Variants in DLG1 observed in about 807,000 individuals in gnomAD.
DLG1 encodes discs large MAGUK scaffold protein 1, also known as disks large homolog 1.
In DLG1, 42 loss-of-function variants were observed where a neutral mutation model predicts 123.4. That is an observed-to-expected ratio of 0.34 (90% CI 0.27 to 0.44). The LOEUF (loss-of-function observed/expected upper bound fraction) is 0.44. DLG1 is among the 20% of genes least tolerant of loss of function. The pLI is 1.00. For synonymous variants in DLG1, 317 were observed against 356.2 expected, an observed-to-expected ratio of 0.89 and a Z score of 1.24; for missense variants, 942 against 1,082.6, an observed-to-expected ratio of 0.87 and a Z score of 1.82.
chr3:197,194,400 CAAT>C (rs1249342863), intron 5 of DLG1, 22 bp downstream of exon 5: 1 of 1,450,846 alleles, frequency 6.9e-7, no homozygotes, highest in African/African-American at 1.5e-5. Context: ...TAATTCATAA[CAAT>C]AATAAATAGA....
intron 3 of DLG1, among the ~76,000 whole-genome samples, chr3:197,283,668 C>T (rs1432630321): frequency 6.6e-6 from 1 of 152,068 alleles, no homozygotes. Flanking sequence ...CCTTATTCAC[C>T]AACTTGTATA....
chr3:197,050,031 A>G (rs1218341068), intron 24 of DLG1, among the ~76,000 whole-genome samples: 1 of 152,126 alleles, frequency 6.6e-6, no homozygotes, highest in African/African-American at 2.4e-5. Flanking sequence ...ACTGTACTCC[A>G]GCCTGGGCAA....
intron 5 of DLG1, among the ~76,000 whole-genome samples, chr3:197,175,738 A>C (rs754383931): frequency 2.6e-5 from 4 of 152,208 alleles, no homozygotes; most frequent in Non-Finnish European, 5.9e-5. Context: ...AGCTCTTGTG[A>C]AACTTACAGT....
At chr3:197,098,431 T>C (rs890796855) in intron 14 of DLG1, among the ~76,000 whole-genome samples, 3 of 152,240 alleles carry the variant, frequency 2.0e-5, no homozygotes, top group African/African-American at 7.2e-5. Context: ...TAGTCTCAGA[T>C]ATTAAAAATT....
rs1208246742 is a variant in DLG1, at chr3:197,119,499, G to A, written c.1197C>T (p.Ser399=). 6.2e-7 allele frequency: 1 copy of A among 1,611,078 alleles called. No individual in the cohort carries two copies. The highest frequency in any genetic ancestry group is 1.1e-5 in the South Asian group (1 of 90,960). The change falls in exon 12 of 25, where the codon AGC becomes AGT. Residue 399 remains serine (S), a synonymous_variant. Coordinates refer to ENST00000667157, the MANE Select transcript of DLG1 (RefSeq NM_001366207.1). ...GTGTCTGGCCCAAGAAGGAAGATGGGCTAACATGGTTATCAACAGGCTGAG... is the reference window on the plus strand; with the variant it reads ...GTGTCTGGCCCAAGAAGGAAGATGGACTAACATGGTTATCAACAGGCTGAG... ...SSSQPVDNHV[S]PSSFLGQTPA... is the part of the protein sequence containing the mutation.
At chr3:197,224,585 T>C (rs1738816159) in intron 4 of DLG1, among the ~76,000 whole-genome samples, 1 of 152,216 alleles carries the variant, frequency 6.6e-6, no homozygotes, top group South Asian at 2.1e-4. Context: ...AATGTTAAAT[T>C]TGTTAAAAAT....
In DLG1 at chr3:197,149,795, G is replaced by C; in HGVS notation, c.485C>G (p.Ala162Gly). The stretch of plus-strand genomic sequence containing the variant: ...GTTGACCAGTACTGGGGGAGGATTT[G>C]CCTTTAAGAAGAAATTGTAAATGTG... ...VSHSHISPIK[A>G]NPPPVLVNTD... Residue 162 changes from alanine (A) to glycine (G), a missense_variant and splice_region_variant, in exon 6 of 25, where the codon GCA (alanine) becomes GGA (glycine). Ala to Gly is a moderately conservative substitution (Grantham distance 60, BLOSUM62 0). Coordinates refer to ENST00000667157, the MANE Select transcript of DLG1 (RefSeq NM_001366207.1). 6.3e-7 allele frequency: 1 copy of C among 1,580,776 alleles called. No individual in the cohort carries two copies. Among genetic ancestry groups the C allele is most frequent in the Non-Finnish European group, 8.7e-7 (1 of 1,153,914 alleles).
intron 5 of DLG1, among the ~76,000 whole-genome samples, chr3:197,177,674 T>C (rs879339212): frequency 1.3e-5 from 2 of 152,078 alleles, no homozygotes; most frequent in Admixed American, 1.3e-4. Flanking sequence ...ACTTGGGAAG[T>C]CTGTATTTAT....
chr3:197,190,222 C>A (rs375601638), intron 5 of DLG1, among the ~76,000 whole-genome samples: 3 of 152,098 alleles, frequency 2.0e-5, no homozygotes, highest in African/African-American at 7.2e-5. Flanking sequence ...GAGGATTCGA[C>A]AAATGATGTC....
chr3:197,222,559 A>G (rs1424563308), intron 4 of DLG1, among the ~76,000 whole-genome samples: 2 of 152,202 alleles, frequency 1.3e-5, no homozygotes, highest in Non-Finnish European at 2.9e-5. Flanking sequence ...ATTATCTCTT[A>G]ACAGCAAAAA....
chr3:197,045,378 A>G (rs1409994861), intron 24 of DLG1, among the ~76,000 whole-genome samples: 2 of 152,136 alleles, frequency 1.3e-5, no homozygotes, highest in Non-Finnish European at 2.9e-5. Context: ...AATAAAGCAA[A>G]CAAACAAACA....
chr3:197,221,784 C>T (rs3010121), intron 4 of DLG1, among the ~76,000 whole-genome samples: 113,424 of 152,070 alleles, frequency 0.75, 42,399 homozygotes, highest in East Asian at 0.82. Flanking sequence ...TCTGTTTTCC[C>T]TGCTTTTGTT....
chr3:197,194,482 T>C lies in DLG1; in HGVS notation c.426A>G (p.Leu142=), dbSNP rs754657341. 1 of 1,603,926 alleles carries C rather than the reference T, an allele frequency of 6.2e-7. No homozygotes were observed. The highest frequency in any genetic ancestry group is 1.1e-5 in the South Asian group (1 of 89,272). ...PELVHVSEKN[L]SEIENVHGFV... ...ATCCATGGACATTCTCAATCTCTGATAAGTTCTTCTCTGAGACATGAACCA... is the reference window on the plus strand; with the variant it reads ...ATCCATGGACATTCTCAATCTCTGACAAGTTCTTCTCTGAGACATGAACCA... The change falls in exon 5 of 25, where the codon TTA becomes TTG. Residue 142 remains leucine, a synonymous_variant. Transcript: ENST00000667157.
At chr3:197,063,352 CAG>C (rs1388894671) in intron 22 of DLG1, among the ~76,000 whole-genome samples, 8 of 152,014 alleles carry the variant, frequency 5.3e-5, no homozygotes, top group Non-Finnish European at 1.0e-4. Context: ...AATGTATACT[CAG>C]AGAAATGTCA....
At chr3:197,115,104 G>A (rs1029230272) in intron 13 of DLG1, among the ~76,000 whole-genome samples, 1 of 151,438 alleles carries the variant, frequency 6.6e-6, no homozygotes, top group Non-Finnish European at 1.5e-5. Flanking sequence ...CACAGAAGAG[G>A]GAAGATACAA....
intron 13 of DLG1, among the ~76,000 whole-genome samples, chr3:197,115,572 T>G (rs1202029616): frequency 2.0e-5 from 3 of 152,150 alleles, no homozygotes; most frequent in African/African-American, 7.2e-5. Context: ...TTTAAAAAAA[T>G]CATATTTGGA....
chr3:197,060,284 G>C (rs917362587), intron 22 of DLG1, among the ~76,000 whole-genome samples: 2 of 152,032 alleles, frequency 1.3e-5, no homozygotes, highest in Non-Finnish European at 2.9e-5. Context: ...GAAAAATAGA[G>C]CTCCCCCGCC....
chr3:197,262,571 C>G (rs1759869633), intron 4 of DLG1, among the ~76,000 whole-genome samples: 1 of 152,232 alleles, frequency 6.6e-6, no homozygotes, highest in Non-Finnish European at 1.5e-5. Context: ...AGGTCACAAT[C>G]TACTATTTCC....
At chr3:197,289,370 AT>A (rs1773737420) in intron 3 of DLG1, among the ~76,000 whole-genome samples, 1 of 152,352 alleles carries the variant, frequency 6.6e-6, no homozygotes, top group African/African-American at 2.4e-5. Flanking sequence ...ACACACACAA[AT>A]AACATTCCAG....
Sources: allele counts gnomAD v4.1 joint callset (sites outside exome capture counted in the v4.1 genomes callset), GRCh38; gene constraint gnomAD v4.1.1; transcripts MANE v1.5; gene names NCBI Gene and HGNC (gene_info 2026-07-23, HGNC 2026-07-21).